Variants in OSBPL9 observed in about 807,000 individuals in gnomAD.
The protein encoded by OSBPL9 is oxysterol binding protein like 9, also known as oxysterol-binding protein-related protein 9.
In OSBPL9, 40 loss-of-function variants were observed where a neutral mutation model predicts 106.6. The ratio of observed to expected loss-of-function variants is 0.38; its 90% CI spans 0.29 to 0.49. The LOEUF (loss-of-function observed/expected upper bound fraction) is 0.49, where lower values mean the gene tolerates loss of function less well. Among genes scored for constraint, OSBPL9 ranks in the 20% least tolerant of loss-of-function variants. The pLI is 0.97. For synonymous variants in OSBPL9, 269 were observed against 295.4 expected (o/e 0.91, Z 0.92); for missense variants, 609 against 887.2 (o/e 0.69, Z 3.98).
intron 4 of OSBPL9, among the ~76,000 whole-genome samples, chr1:51,739,249 TG>T (rs968844075): frequency 1.3e-5 from 2 of 151,960 alleles, no homozygotes; most frequent in African/African-American, 4.8e-5. Context: ...ATATCCCAAT[TG>T]AAAAAAAATT....
At chr1:51,530,170 C>CAAA in the OSBPL9 span, among the ~76,000 whole-genome samples, 85 of 11,012 alleles carry the variant, frequency 7.7e-3, 4 homozygotes, top group Non-Finnish European at 0.01. Context: ...GACTCTGTCT[C>CAAA]AAAAAAAAAA....
chr1:51,735,151 G>A (rs1455844168), intron 4 of OSBPL9, among the ~76,000 whole-genome samples: 1 of 152,042 alleles, frequency 6.6e-6, no homozygotes, highest in Non-Finnish European at 1.5e-5. Flanking sequence ...AAATGGAAGG[G>A]AAAAAAGGCC....
chr1:51,614,794 C>G (rs1644014302), upstream of OSBPL9, among the ~76,000 whole-genome samples: 1 of 152,138 alleles, frequency 6.6e-6, no homozygotes, highest in Non-Finnish European at 1.5e-5. Flanking sequence ...TTGTAGACAG[C>G]TACTATTGTT....
intron 10 of OSBPL9, 100 bp downstream of exon 10, chr1:51,760,880 C>T: frequency 7.6e-7 from 1 of 1,317,950 alleles, no homozygotes; most frequent in Non-Finnish European, 1.0e-6. Flanking sequence ...TTTGATTTTC[C>T]TTGTTTTTAA....
At chr1:51,647,227 G>A (rs1286703319) in intron 1 of OSBPL9, among the ~76,000 whole-genome samples, 2 of 152,008 alleles carry the variant, frequency 1.3e-5, no homozygotes, top group Non-Finnish European at 2.9e-5. Flanking sequence ...ATATTATATT[G>A]ATTGTTTCTT....
chr1:51,605,294 T>G (rs1007383750), intron 2 of OSBPL9, among the ~76,000 whole-genome samples: 8 of 152,014 alleles, frequency 5.3e-5, no homozygotes, highest in Non-Finnish European at 1.0e-4. Context: ...GCTGGAGAGA[T>G]AAATCAAGAA....
chr1:51,615,328 GA>G (rs1261406553), upstream of OSBPL9, among the ~76,000 whole-genome samples: 1 of 152,080 alleles, frequency 6.6e-6, no homozygotes, highest in Non-Finnish European at 1.5e-5. Context: ...TCTAACTACT[GA>G]TCCACTGGCA....
chr1:51,776,496 C>T (rs149810380), intron 14 of OSBPL9, among the ~76,000 whole-genome samples: 1 of 152,182 alleles, frequency 6.6e-6, no homozygotes, highest in South Asian at 2.1e-4. Flanking sequence ...ATGTAATGTC[C>T]AGCAGATAGG....
intron 1 of OSBPL9, among the ~76,000 whole-genome samples, chr1:51,618,107 T>C (rs1041063086): frequency 3.3e-5 from 5 of 151,936 alleles, no homozygotes; most frequent in African/African-American, 1.2e-4. Context: ...AACTTCTGCC[T>C]CTCGGGTTCA....
chr1:51,654,566 A>G (rs1441300056), intron 2 of OSBPL9, among the ~76,000 whole-genome samples: 1 of 152,186 alleles, frequency 6.6e-6, no homozygotes, highest in Non-Finnish European at 1.5e-5. Flanking sequence ...ATCCATGTTC[A>G]TAGGATATAT....
intron 1 of OSBPL9, among the ~76,000 whole-genome samples, chr1:51,648,785 G>T (rs1034755860): frequency 2.0e-5 from 3 of 152,072 alleles, no homozygotes; most frequent in African/African-American, 7.2e-5. Flanking sequence ...TTTAATATAG[G>T]AATAATTCTT....
intron 2 of OSBPL9, among the ~76,000 whole-genome samples, chr1:51,663,077 A>C (rs1570901188): frequency 6.6e-6 from 1 of 152,166 alleles, no homozygotes; most frequent in African/African-American, 2.4e-5. Flanking sequence ...AACAACTGGC[A>C]ATCAGAACAT....
At chr1:51,727,927 T>TAAG (rs1425798350) in intron 4 of OSBPL9, among the ~76,000 whole-genome samples, 4 of 152,160 alleles carry the variant, frequency 2.6e-5, no homozygotes, top group Non-Finnish European at 5.9e-5. Flanking sequence ...TATGACGATG[T>TAAG]AAGATAGCAA....
At chr1:51,687,610 C>T (rs1159593794) in intron 3 of OSBPL9, among the ~76,000 whole-genome samples, 1 of 152,118 alleles carries the variant, frequency 6.6e-6, no homozygotes, top group Admixed American at 6.5e-5. Flanking sequence ...AGGGGCAGCA[C>T]ATTCTAAGCA....
chr1:51,622,965 C>T (rs576575712), intron 1 of OSBPL9, among the ~76,000 whole-genome samples: 12 of 152,198 alleles, frequency 7.9e-5, no homozygotes, highest in Middle Eastern at 3.4e-3. Flanking sequence ...AAAGCTTGCA[C>T]AGGAGAGTGA....
upstream of OSBPL9, among the ~76,000 whole-genome samples, chr1:51,615,638 G>T (rs1557585737): frequency 6.6e-6 from 1 of 152,092 alleles, no homozygotes; most frequent in East Asian, 1.9e-4. Context: ...AAAGGACAAA[G>T]AAAGCCCTTC....
At chr1:51,723,657 C>T (rs1008726991) in intron 4 of OSBPL9, among the ~76,000 whole-genome samples, 1 of 152,014 alleles carries the variant, frequency 6.6e-6, no homozygotes, top group Middle Eastern at 3.2e-3. Context: ...AGTGATCCTC[C>T]TGCGTTAGCC....
intron 3 of OSBPL9, among the ~76,000 whole-genome samples, chr1:51,685,413 C>A (rs1268088267): frequency 1.4e-5 from 2 of 146,598 alleles, no homozygotes; most frequent in Non-Finnish European, 3.0e-5. Context: ...CCATGATAAT[C>A]TTTTTTTTTT....
chr1:51,602,569 C>A (rs1294535352), intron 2 of OSBPL9, among the ~76,000 whole-genome samples: 2 of 151,390 alleles, frequency 1.3e-5, no homozygotes, highest in Non-Finnish European at 2.9e-5. Flanking sequence ...ACTACAGACA[C>A]AAGTCACCAC....
Sources: allele counts gnomAD v4.1 joint callset (sites outside exome capture counted in the v4.1 genomes callset), GRCh38; gene constraint gnomAD v4.1.1; transcripts MANE v1.5; gene names NCBI Gene and HGNC (gene_info 2026-07-23, HGNC 2026-07-21).